SLC16A10: variants seen among roughly 807,000 people sequenced by gnomAD.
SLC16A10 encodes monocarboxylate transporter 10.
Under a neutral mutation model 40.0 loss-of-function variants are expected in SLC16A10, and 27 were observed. The observed-to-expected ratio is 0.67, with a 90% CI of 0.50 to 0.93. The LOEUF (loss-of-function observed/expected upper bound fraction) is 0.93. Among genes scored for constraint, SLC16A10 ranks in the 40% least tolerant of loss-of-function variants. SLC16A10 has a pLI of 0.00. For synonymous variants in SLC16A10, 213 were observed against 249.8 expected (o/e 0.85, Z 1.39); for missense variants, 529 against 658.2 (o/e 0.80, Z 2.15).
chr6:111,140,810 G>A (rs544889487), intron 1 of SLC16A10, among the ~76,000 whole-genome samples: 10 of 151,910 alleles, frequency 6.6e-5, no homozygotes, highest in Non-Finnish European at 1.3e-4. Context: ...ATTTGAGAGA[G>A]GGTCTTTCTG....
intron 1 of SLC16A10, among the ~76,000 whole-genome samples, chr6:111,107,086 G>A (rs1351047777): frequency 6.6e-6 from 1 of 152,066 alleles, no homozygotes; most frequent in East Asian, 1.9e-4. Flanking sequence ...GTTTCAGTCT[G>A]TATTTATTAG....
At position 111,193,447 on chromosome 6, in the gene SLC16A10, A is replaced by G. The variant is rs1025806233; in HGVS notation, c.943-13145A>G. On this transcript the variant is annotated intron_variant, in intron 3 of 5. Transcript: ENST00000368851. ...CACTTGTTTACTCATTCATGGGGAC[A>G]TTTAATATTTACAGAACACTTTCAT... 17 of 407,382 alleles carry G rather than the reference A, an allele frequency of 4.2e-5. 1 individual carries two copies. The highest frequency in any genetic ancestry group is 6.6e-6 in the Non-Finnish European group (2 of 301,452). 25.2% of individuals were successfully genotyped at this position (407,382 alleles called of 1,614,324 possible).
chr6:111,097,472 T>C (rs1199369930), intron 1 of SLC16A10, among the ~76,000 whole-genome samples: 1 of 151,792 alleles, frequency 6.6e-6, no homozygotes, highest in Non-Finnish European at 1.5e-5. Flanking sequence ...CCACCATGCC[T>C]GGCTAATTTT....
intron 1 of SLC16A10, among the ~76,000 whole-genome samples, chr6:111,123,618 C>A (rs547194169): frequency 6.6e-6 from 1 of 152,242 alleles, no homozygotes; most frequent in East Asian, 1.9e-4. Flanking sequence ...CAGGAGGTGA[C>A]AGTATCTTTT....
chr6:111,138,370 G>T (rs1253076209), intron 1 of SLC16A10, among the ~76,000 whole-genome samples: 3 of 152,196 alleles, frequency 2.0e-5, no homozygotes, highest in Admixed American at 2.0e-4. Flanking sequence ...TCATCATGAT[G>T]ATTTGCCTAT....
rs140140681 is a variant in SLC16A10 at position 111,135,293 on chromosome 6, A to G, written c.344-37402A>G. ...CTAAAGGATTCTGCCTCCTTTCCCT[A>G]CCAAAGGCAGTACCCCCTTAGACTG... is the stretch of plus-strand genomic sequence containing the variant. On this transcript the variant is annotated intron_variant, in intron 1 of 5. Transcript: ENST00000368851. Among the ~76,000 whole-genome samples, 1,061 of 152,238 alleles carry G rather than the reference A, an allele frequency of 7.0e-3. 10 individuals are homozygous for G. The highest frequency in any genetic ancestry group is 0.011 in the Non-Finnish European group (743 of 68,026).
chr6:111,131,046 G>C (rs1241542876), intron 1 of SLC16A10, among the ~76,000 whole-genome samples: 2 of 152,202 alleles, frequency 1.3e-5, no homozygotes, highest in South Asian at 2.1e-4. Context: ...CCCTCCCTTT[G>C]TATGGGAGCT....
At chr6:111,205,398 A>G (rs1773238063) in intron 3 of SLC16A10, among the ~76,000 whole-genome samples, 3 of 152,172 alleles carry the variant, frequency 2.0e-5, no homozygotes, top group Non-Finnish European at 4.4e-5. Flanking sequence ...CATTATGGAA[A>G]GGTCAAACAA....
intron 1 of SLC16A10, among the ~76,000 whole-genome samples, chr6:111,155,891 G>T (rs1772261749): frequency 6.6e-6 from 1 of 152,156 alleles, no homozygotes; most frequent in Non-Finnish European, 1.5e-5. Context: ...ATTTATCTTG[G>T]TTTGTAATAC....
chr6:111,088,232 C>T, intron 1 of SLC16A10, 137 bp downstream of exon 1: 1 of 831,632 alleles, frequency 1.2e-6, no homozygotes. Flanking sequence ...GCAGGGGGGT[C>T]TTTCGAGTTG....
At chr6:111,171,398 A>G (rs1772583230) in intron 1 of SLC16A10, among the ~76,000 whole-genome samples, 1 of 152,122 alleles carries the variant, frequency 6.6e-6, no homozygotes, top group African/African-American at 2.4e-5. Context: ...TACGCCTGCA[A>G]TCCCAGCATT....
intron 3 of SLC16A10, among the ~76,000 whole-genome samples, chr6:111,206,273 C>T (rs1030665365): frequency 3.9e-5 from 6 of 152,110 alleles, no homozygotes; most frequent in Non-Finnish European, 8.8e-5. Flanking sequence ...GATGAGGTTT[C>T]ACCACGTTGG....
At chr6:111,155,725 T>C (rs1772259063) in intron 1 of SLC16A10, among the ~76,000 whole-genome samples, 1 of 152,230 alleles carries the variant, frequency 6.6e-6, no homozygotes, top group Non-Finnish European at 1.5e-5. Flanking sequence ...AGCATGAATT[T>C]ATGTTTAGCT....
intron 1 of SLC16A10, among the ~76,000 whole-genome samples, chr6:111,100,583 T>G (rs1771156925): frequency 6.6e-6 from 1 of 152,094 alleles, no homozygotes; most frequent in East Asian, 1.9e-4. Context: ...GAGATGGGGT[T>G]TCACCATGTT....
At chr6:111,208,056 C>A (rs1773283660) in intron 4 of SLC16A10, among the ~76,000 whole-genome samples, 1 of 152,156 alleles carries the variant, frequency 6.6e-6, no homozygotes, top group African/African-American at 2.4e-5. Flanking sequence ...GCAGCCTCAA[C>A]ATCCCGGGCT....
chr6:111,130,568 A>G (rs1771763589), intron 1 of SLC16A10, among the ~76,000 whole-genome samples: 1 of 151,988 alleles, frequency 6.6e-6, no homozygotes, highest in Non-Finnish European at 1.5e-5. Flanking sequence ...GTGGCTTGGT[A>G]GCATTACCTC....
chr6:111,184,582 A>G (rs1388421884), intron 3 of SLC16A10, among the ~76,000 whole-genome samples: 2 of 151,880 alleles, frequency 1.3e-5, no homozygotes, highest in Non-Finnish European at 2.9e-5. Context: ...CCTGGGTTCA[A>G]GCGATTCTTC....
chr6:111,141,962 T>C (rs1314891154), intron 1 of SLC16A10, among the ~76,000 whole-genome samples: 1 of 152,214 alleles, frequency 6.6e-6, no homozygotes, highest in Non-Finnish European at 1.5e-5. Context: ...AAAGTTTATG[T>C]GGACAGGCAA....
chr6:111,091,484 T>G (rs1184186224), intron 1 of SLC16A10, among the ~76,000 whole-genome samples: 1 of 152,226 alleles, frequency 6.6e-6, no homozygotes, highest in Non-Finnish European at 1.5e-5. Context: ...TCCCTGTTTC[T>G]TGGTCCTACT....
Sources: allele counts gnomAD v4.1 joint callset (sites outside exome capture counted in the v4.1 genomes callset), GRCh38; gene constraint gnomAD v4.1.1; transcripts MANE v1.5; gene names NCBI Gene and HGNC (gene_info 2026-07-23, HGNC 2026-07-21).